LACTB: variants seen among roughly 807,000 people sequenced by gnomAD.
LACTB encodes serine beta-lactamase-like protein LACTB, mitochondrial.
A neutral mutation model predicts 50.2 loss-of-function variants in LACTB; 35 were observed. The observed-to-expected ratio is 0.70, with a 90% confidence interval of 0.53 to 0.92. LACTB has a LOEUF of 0.92. Among genes scored for constraint, LACTB ranks in the 40% least tolerant of loss-of-function variants. The pLI is 0.00. For synonymous variants in LACTB, 252 were observed against 268.2 expected (o/e 0.94, Z 0.59); for missense variants, 664 against 691.8 (o/e 0.96, Z 0.45).
chr15:63,122,199 A>G lies in LACTB; in HGVS notation c.328A>G (p.Ser110Gly), dbSNP rs1396751227. Reference sequence around the variant, plus strand: ...CAGGTGCTTCGCCAGAGCCATCGAGAGCAGCCGCGACCTGCTGCACAGGAT... The same window carrying G: ...CAGGTGCTTCGCCAGAGCCATCGAGGGCAGCCGCGACCTGCTGCACAGGAT... ...CSRCFARAIE[S>G]SRDLLHRIKD... The change falls in exon 1 of 6, where the codon AGC (serine) becomes GGC (glycine). Residue 110 changes from serine to glycine, a missense_variant. Physicochemically the swap from Ser to Gly is moderately conservative, Grantham distance 56. Coordinates refer to ENST00000261893, the MANE Select transcript of LACTB (RefSeq NM_032857.5). 2 of 1,544,528 alleles carry G rather than the reference A, an allele frequency of 1.3e-6. No individual in the cohort carries two copies. The highest frequency in any genetic ancestry group is 1.2e-5 in the South Asian group (1 of 84,998).
At chr15:63,124,028 A>C (rs2037014067) in intron 2 of LACTB, among the ~76,000 whole-genome samples, 1 of 151,904 alleles carries the variant, frequency 6.6e-6, no homozygotes, top group South Asian at 2.1e-4. Context: ...TCTACTAAGT[A>C]GCGGGTGTTT....
At chr15:63,140,061 T>G (rs1021238601) in intron 5 of LACTB, among the ~76,000 whole-genome samples, 1 of 152,108 alleles carries the variant, frequency 6.6e-6, no homozygotes, top group Non-Finnish European at 1.5e-5. Flanking sequence ...TAGCCATGAT[T>G]GTACCGCTGC....
Position 63,121,871 on chromosome 15 carries a change from C to T in LACTB, c.-1C>T, listed in dbSNP as rs2036972940. On this transcript the variant is annotated 5_prime_UTR_variant, in exon 1 of 6. Coordinates refer to ENST00000261893, the MANE Select transcript of LACTB (RefSeq NM_032857.5). ...GTGGCGGCCGGCTGTGCAGAGACGC[C>T]ATGTACCGGCTCATGTCAGCAGTGA... 2.2e-6 allele frequency: 3 copies of T among 1,381,812 alleles called. No homozygotes were observed. Among genetic ancestry groups the T allele is most frequent in the African/African-American group, 1.5e-5 (1 of 66,752 alleles). 85.6% of individuals were successfully genotyped at this position (1,381,812 alleles called of 1,614,324 possible).
intron 1 of LACTB, 167 bp from the exon 2 acceptor site, chr15:63,122,469 A>G (rs1177480728): frequency 5.5e-6 from 4 of 728,778 alleles, no homozygotes; most frequent in South Asian, 3.1e-5. Context: ...GGACAGGCAC[A>G]TCCCTTGCTG....
At chr15:63,125,115 G>T (rs1477664880) in intron 2 of LACTB, among the ~76,000 whole-genome samples, 2 of 151,910 alleles carry the variant, frequency 1.3e-5, no homozygotes, top group African/African-American at 2.4e-5. Flanking sequence ...AAGACCAGAA[G>T]TTTGAGACCA....
intron 5 of LACTB, among the ~76,000 whole-genome samples, chr15:63,137,473 A>C (rs1209366436): frequency 6.6e-6 from 1 of 152,220 alleles, no homozygotes; most frequent in Non-Finnish European, 1.5e-5. Context: ...TTAATGTTTA[A>C]AATTTTTAAT....
intron 1 of LACTB, 67 bp from the exon 2 acceptor site, chr15:63,122,569 C>T (rs1410997327): frequency 6.2e-6 from 8 of 1,285,900 alleles, no homozygotes; most frequent in Middle Eastern, 1.9e-4. Flanking sequence ...CTTGGAAGGT[C>T]CCCGAGGAGA....
At chr15:63,132,933 A>G (rs1170447863) in intron 5 of LACTB, among the ~76,000 whole-genome samples, 5 of 152,236 alleles carry the variant, frequency 3.3e-5, no homozygotes, top group Non-Finnish European at 7.3e-5. Flanking sequence ...ATCCTTAGGT[A>G]CTTTTTAATA....
intron 5 of LACTB, among the ~76,000 whole-genome samples, chr15:63,137,130 G>T (rs1249173371): frequency 1.3e-5 from 2 of 152,162 alleles, no homozygotes; most frequent in Non-Finnish European, 2.9e-5. Context: ...GAATAAAATT[G>T]GGATTTTCTT....
chr15:63,122,547 A>T, intron 1 of LACTB, 89 bp from the exon 2 acceptor site: 2 of 1,045,200 alleles, frequency 1.9e-6, no homozygotes, highest in Non-Finnish European at 3.0e-6. Flanking sequence ...GCCCAGGCTC[A>T]GGGGGCGGGG....
rs1023523706 is a variant in LACTB at position 63,123,753 on chromosome 15, C to T, written c.424+1051C>T. Among the ~76,000 whole-genome samples, 75 of 151,788 alleles carry T rather than the reference C, an allele frequency of 4.9e-4. 2 individuals carry two copies. The highest frequency in any genetic ancestry group is 2.2e-4 in the Non-Finnish European group (15 of 67,936). ...GAGGGAGAGGAGACAGAGGGAAAGA[C>T]AGCTTATGCCATTATTTCTGCATAT... On this transcript the variant is annotated intron_variant, in intron 2 of 5. Coordinates refer to ENST00000261893, the MANE Select transcript of LACTB (RefSeq NM_032857.5).
chr15:63,135,786 T>G (rs533253630), intron 5 of LACTB, among the ~76,000 whole-genome samples: 2 of 152,316 alleles, frequency 1.3e-5, no homozygotes, highest in South Asian at 4.1e-4. Context: ...AAAGATGGCA[T>G]GGATGTATGA....
chr15:63,122,136 G>C lies in LACTB; in HGVS notation c.265G>C (p.Ala89Pro). Residue 89 changes from alanine to proline, a missense_variant, in exon 1 of 6, where the codon GCC becomes CCC. By Grantham distance (27) the Ala-to-Pro change is conservative (BLOSUM62 -1). Coordinates refer to ENST00000261893, the MANE Select transcript of LACTB (RefSeq NM_032857.5). ...LAEPPQEQSLAPWSPQTPAPP... is the reference protein window; with the variant it reads ...LAEPPQEQSLPPWSPQTPAPP... ...CGAGCCGCCACAGGAGCAGTCCCTCGCCCCGTGGTCTCCGCAGACCCCGGC... is the reference window on the plus strand; with the variant it reads ...CGAGCCGCCACAGGAGCAGTCCCTCCCCCCGTGGTCTCCGCAGACCCCGGC... 6.7e-7 allele frequency: 1 copy of C among 1,498,048 alleles called. No homozygotes were observed. The highest frequency in any genetic ancestry group is 8.8e-7 in the Non-Finnish European group (1 of 1,131,518). The allele number at this position is 1,498,048 out of a possible 1,614,324, so 92.8% of individuals were successfully genotyped here. A position where few individuals can be genotyped will look rare whatever the true frequency, so the allele number is the denominator to read the frequency against.
intron 5 of LACTB, among the ~76,000 whole-genome samples, chr15:63,136,525 C>A (rs1345469209): frequency 1.3e-5 from 2 of 151,874 alleles, no homozygotes; most frequent in Admixed American, 6.6e-5. Flanking sequence ...AAATAGGGCA[C>A]TAAAAGAGGA....
intron 2 of LACTB, among the ~76,000 whole-genome samples, chr15:63,123,996 A>G (rs1038120272): frequency 1.3e-5 from 2 of 150,336 alleles, no homozygotes; most frequent in African/African-American, 4.9e-5. Context: ...TCCCCCGGAG[A>G]AAAGGAGACT....
rs2037073133 is a variant in LACTB, at chr15:63,127,706, T to C, written c.952+17T>C. On this transcript the variant is annotated intron_variant, in intron 4 of 5. Coordinates refer to ENST00000261893, the MANE Select transcript of LACTB (RefSeq NM_032857.5). ...TCAAACCTGGTGAGTGTTAATCCCT[T>C]CTCTTAACAAAATCATCATTACTGA... 2 of 1,448,586 alleles carry C rather than the reference T, an allele frequency of 1.4e-6. No homozygotes were observed. The highest frequency in any genetic ancestry group is 1.9e-6 in the Non-Finnish European group (2 of 1,057,454). The allele number at this position is 1,448,586 out of a possible 1,614,324, so 89.7% of individuals were successfully genotyped here. A position where few individuals can be genotyped will look rare whatever the true frequency, so the allele number is the denominator to read the frequency against.
At chr15:63,140,029 C>T (rs2037214402) in intron 5 of LACTB, among the ~76,000 whole-genome samples, 1 of 152,090 alleles carries the variant, frequency 6.6e-6, no homozygotes, top group African/African-American at 2.4e-5. Flanking sequence ...ATTGCTTGAG[C>T]CCTGGAGGTT....
chr15:63,128,147 G>T (rs1385680440), intron 4 of LACTB, among the ~76,000 whole-genome samples: 1 of 151,814 alleles, frequency 6.6e-6, no homozygotes, highest in Non-Finnish European at 1.5e-5. Context: ...TTTATTTTTT[G>T]ATTTGGTGCC....
intron 5 of LACTB, among the ~76,000 whole-genome samples, chr15:63,137,136 T>G (rs2037185614): frequency 6.6e-6 from 1 of 152,208 alleles, no homozygotes; most frequent in Non-Finnish European, 1.5e-5. Flanking sequence ...AATTGGGATT[T>G]TCTTAAATGG....
Sources: gnomAD v4.1 joint callset for allele counts (sites outside exome capture counted in the v4.1 genomes callset) on GRCh38, gnomAD v4.1.1 for gene constraint, MANE v1.5 for transcripts, NCBI Gene and HGNC (gene_info 2026-07-23, HGNC 2026-07-21) for gene names.